GPR89A: variants seen among roughly 807,000 people sequenced by gnomAD.
GPR89A encodes the protein G protein-coupled receptor 89A.
GPR89A carries 16 observed loss-of-function variants against 52.0 expected under a neutral mutation model. The ratio of observed to expected loss-of-function variants is 0.31; its 90% CI spans 0.21 to 0.47. The LOEUF is 0.47. Among genes scored for constraint, GPR89A ranks in the 20% least tolerant of loss-of-function variants. GPR89A has a pLI of 1.00. For missense variants in GPR89A, 135 were observed against 449.4 expected (o/e 0.30, Z 6.33); for synonymous variants, 55 against 150.9 (o/e 0.36, Z 4.66).
intron 1 of GPR89A, 95 bp downstream of exon 1, chr1:145,608,270 C>T (rs1553685337): frequency 3.3e-6 from 5 of 1,535,986 alleles, no homozygotes; most frequent in Admixed American, 3.4e-5. Context: ...CGGGGTCTCG[C>T]TCCTCTCTTA....
At chr1:145,654,516 G>A (rs1432237863) in intron 10 of GPR89A, among the ~76,000 whole-genome samples, 6 of 130,920 alleles carry the variant, frequency 4.6e-5, no homozygotes. Flanking sequence ...CTATGCCACT[G>A]CACTCCAGCC....
intron 10 of GPR89A, among the ~76,000 whole-genome samples, chr1:145,654,732 T>C (rs1190222451): frequency 2.0e-5 from 3 of 151,796 alleles, no homozygotes; most frequent in Non-Finnish European, 4.4e-5. Context: ...CTGATGATTA[T>C]GTGTCTTGGG....
intron 10 of GPR89A, among the ~76,000 whole-genome samples, chr1:145,647,729 C>T (rs1285446383): frequency 1.4e-5 from 2 of 145,944 alleles, no homozygotes; most frequent in Non-Finnish European, 3.0e-5. Context: ...CGCTTGAACC[C>T]GAGAGGCGGA....
intron 7 of GPR89A, among the ~76,000 whole-genome samples, chr1:145,639,403 CTG>C (rs1650475818): frequency 6.6e-6 from 1 of 152,112 alleles, no homozygotes; most frequent in Admixed American, 6.5e-5. Flanking sequence ...GTAATCAAGA[CTG>C]TGGTACTGGT....
chr1:145,663,580 A>G (rs587597883), intron 11 of GPR89A, among the ~76,000 whole-genome samples, 156 bp downstream of exon 11: 30 of 152,146 alleles, frequency 2.0e-4, no homozygotes, highest in African/African-American at 7.0e-4. Context: ...GAAAATTTTT[A>G]TATTTTGATG....
At chr1:145,633,997 C>T (rs1463638859) in intron 7 of GPR89A, among the ~76,000 whole-genome samples, 2 of 151,692 alleles carry the variant, frequency 1.3e-5, no homozygotes, top group African/African-American at 2.4e-5. Flanking sequence ...AAATTGAAGT[C>T]TACACAAATA....
intron 10 of GPR89A, 124 bp downstream of exon 10, chr1:145,647,391 A>G (rs1651071689): frequency 3.1e-6 from 4 of 1,297,102 alleles, no homozygotes; most frequent in Non-Finnish European, 4.2e-6. Flanking sequence ...AACAGAGAGC[A>G]TGATCTTCCA....
At chr1:145,641,174 A>G (rs1650629844) in intron 7 of GPR89A, among the ~76,000 whole-genome samples, 1 of 151,052 alleles carries the variant, frequency 6.6e-6, no homozygotes, top group Admixed American at 6.6e-5. Flanking sequence ...ATCCAGAGAA[A>G]TGAAGATTTA....
rs1480409149 is a variant in GPR89A, at chr1:145,608,117, C to T, written c.-17C>T. 2 of 1,613,704 alleles carry T rather than the reference C, an allele frequency of 1.2e-6. No individual in the cohort carries two copies. Among genetic ancestry groups the T allele is most frequent in the South Asian group, 1.1e-5 (1 of 91,072 alleles). On this transcript the variant is annotated 5_prime_UTR_variant, in exon 1 of 14. Transcript: ENST00000313835. The stretch of plus-strand genomic sequence containing the variant: ...GGGAGTGGGAAGTGGAGGCAGGAGC[C>T]TTCCTTACACTTCGCCATGAGTTTC...
At chr1:145,610,941 A>C (rs773216230) in intron 1 of GPR89A, among the ~76,000 whole-genome samples, 1 of 151,994 alleles carries the variant, frequency 6.6e-6, no homozygotes, top group South Asian at 2.1e-4. Context: ...CTATACCGTC[A>C]TAAGACTTAT....
At chr1:145,621,303 T>C (rs1252537144) in intron 3 of GPR89A, among the ~76,000 whole-genome samples, 1 of 149,784 alleles carries the variant, frequency 6.7e-6, no homozygotes, top group East Asian at 1.9e-4. Context: ...ATAATTATGC[T>C]TCCTTTGAGG....
At chr1:145,643,450 G>A (rs1300893243) in intron 7 of GPR89A, among the ~76,000 whole-genome samples, 1 of 152,130 alleles carries the variant, frequency 6.6e-6, no homozygotes, top group Non-Finnish European at 1.5e-5. Context: ...ACAGGAGTGA[G>A]CCACCACACC....
rs2784417 is a variant in GPR89A at position 145,636,539 on chromosome 1, A to G, written c.617+4795A>G. 3.0e-3 allele frequency among the ~76,000 whole-genome samples: 458 copies of G among 151,604 alleles called. 2 individuals carry two copies. Among genetic ancestry groups the G allele is most frequent in the African/African-American group, 0.011 (435 of 41,170 alleles). On this transcript the variant is annotated intron_variant, in intron 7 of 13. Coordinates refer to ENST00000313835, the MANE Select transcript of GPR89A (RefSeq NM_001097612.2). ...TACGTCTTCCTGTTTGGAACAGTGA[A>G]GGAAAAAATGTTAACCTCTACCTTG...
Position 145,611,318 on chromosome 1 carries a change from G to C in GPR89A, c.42+3143G>C, listed in dbSNP as rs1469550636. 2.0e-5 allele frequency: 3 copies of C among 151,522 alleles called. No individual in the cohort carries two copies. In the East Asian group the frequency reaches 5.8e-4, roughly 29 times the overall value. 9.4% of individuals were successfully genotyped at this position (151,522 alleles called of 1,614,324 possible). A position where few individuals can be genotyped will look rare whatever the true frequency, so the allele number is the denominator to read the frequency against. On this transcript the variant is annotated intron_variant, in intron 1 of 13. Transcript: ENST00000313835. ...TACTGAGCATAGTACTCAATAATTA[G>C]TTTTTCAACCCTTCCCCCTTCTCCC... is the stretch of plus-strand genomic sequence containing the variant.
In GPR89A at chr1:145,619,667, A is replaced by G. The variant is rs1276387277; in HGVS notation, c.206+1244A>G. On this transcript the variant is annotated intron_variant, in intron 3 of 13. Transcript: ENST00000313835. Reference sequence around the variant, plus strand: ...GTCTCTTGATAGAACAATGAATAACATGTATTATGGTAAAATAGAAGTGTT... The same window carrying G: ...GTCTCTTGATAGAACAATGAATAACGTGTATTATGGTAAAATAGAAGTGTT... Among the ~76,000 whole-genome samples the G allele has an allele frequency of 3.3e-5, 5 of 152,144 alleles. No homozygotes were observed. The Middle Eastern group carries it at 0.014, about 417-fold the overall frequency.
At chr1:145,636,026 A>G (rs1553690679) in intron 7 of GPR89A, among the ~76,000 whole-genome samples, 3 of 152,014 alleles carry the variant, frequency 2.0e-5, no homozygotes. Flanking sequence ...ATTTCATACT[A>G]ATAGTGCTAA....
chr1:145,621,849 G>A (rs368766955), intron 3 of GPR89A, among the ~76,000 whole-genome samples: 3 of 150,292 alleles, frequency 2.0e-5, no homozygotes, highest in African/African-American at 4.9e-5. Flanking sequence ...AGCCATCAAG[G>A]AAATGCAAAT....
intron 7 of GPR89A, among the ~76,000 whole-genome samples, chr1:145,642,733 T>C (rs1238068205): frequency 6.6e-6 from 1 of 151,838 alleles, no homozygotes; most frequent in African/African-American, 2.4e-5. Context: ...ACATTTTTCT[T>C]TGGTCCTGCT....
chr1:145,641,232 A>C (rs2101796626), intron 7 of GPR89A, among the ~76,000 whole-genome samples: 1 of 151,354 alleles, frequency 6.6e-6, no homozygotes, highest in Non-Finnish European at 1.5e-5. Flanking sequence ...AATTACGCTG[A>C]GTGAAAAAGA....
Sources: gnomAD v4.1 joint callset for allele counts (sites outside exome capture counted in the v4.1 genomes callset) on GRCh38, gnomAD v4.1.1 for gene constraint, MANE v1.5 for transcripts, NCBI Gene and HGNC (gene_info 2026-07-23, HGNC 2026-07-21) for gene names.